Variants in MAN1A1 observed in about 807,000 individuals in gnomAD.
MAN1A1 encodes the protein mannosyl-oligosaccharide 1,2-alpha-mannosidase IA.
MAN1A1 carries 29 observed loss-of-function variants against 70.8 expected under a neutral mutation model. That is an observed-to-expected ratio of 0.41 (90% CI 0.31 to 0.56). The LOEUF (loss-of-function observed/expected upper bound fraction) is 0.56, where lower values mean the gene tolerates loss of function less well. Ranked by LOEUF, MAN1A1 falls within the 20% of genes least tolerant of loss-of-function variation. MAN1A1 has a pLI of 0.29. For missense variants in MAN1A1, 747 were observed against 841.3 expected (o/e 0.89, Z 1.39); for synonymous variants, 349 against 330.1 (o/e 1.06, Z -0.62).
chr6:119,276,523 AG>A (rs1346897762), intron 5 of MAN1A1, among the ~76,000 whole-genome samples: 2 of 152,202 alleles, frequency 1.3e-5, no homozygotes, highest in African/African-American at 4.8e-5. Context: ...CTAGTCATTC[AG>A]GGCTCAATTC....
chr6:119,254,370 A>C (rs1775406253), intron 5 of MAN1A1, among the ~76,000 whole-genome samples: 1 of 152,200 alleles, frequency 6.6e-6, no homozygotes, highest in South Asian at 2.1e-4. Flanking sequence ...CAGAAAAAAG[A>C]GGGAGAGTAA....
At chr6:119,229,609 CT>C (rs1774620083) in intron 6 of MAN1A1, among the ~76,000 whole-genome samples, 1 of 152,190 alleles carries the variant, frequency 6.6e-6, no homozygotes, top group Admixed American at 6.5e-5. Context: ...ATGGCATCCA[CT>C]TATGTCCTCT....
intron 6 of MAN1A1, among the ~76,000 whole-genome samples, chr6:119,222,055 T>A (rs777269615): frequency 2.0e-5 from 3 of 152,138 alleles, no homozygotes; most frequent in Non-Finnish European, 4.4e-5. Flanking sequence ...CAATACCATA[T>A]GGCAACAAAG....
At chr6:119,286,950 T>C (rs1776390854) in intron 5 of MAN1A1, among the ~76,000 whole-genome samples, 1 of 152,142 alleles carries the variant, frequency 6.6e-6, no homozygotes. Flanking sequence ...CCTATCTCCC[T>C]ACTCTTCTCA....
At chr6:119,267,323 T>C (rs1408491) in intron 5 of MAN1A1, among the ~76,000 whole-genome samples, 63,420 of 142,422 alleles carry the variant, frequency 0.45, 13,745 homozygotes, top group East Asian at 0.67. Flanking sequence ...TTATAGAATA[T>C]TTACATGTAC....
At chr6:119,345,873 C>T (rs1773714855) in intron 2 of MAN1A1, among the ~76,000 whole-genome samples, 1 of 152,190 alleles carries the variant, frequency 6.6e-6, no homozygotes, top group Non-Finnish European at 1.5e-5. Flanking sequence ...CTTTGAGAGG[C>T]CAGGCAGGTC....
intron 6 of MAN1A1, among the ~76,000 whole-genome samples, chr6:119,216,398 A>C (rs1026236376): frequency 6.6e-6 from 1 of 152,124 alleles, no homozygotes; most frequent in South Asian, 2.1e-4. Flanking sequence ...GATGTTCGGG[A>C]GGTAAGAGTT....
intron 6 of MAN1A1, among the ~76,000 whole-genome samples, chr6:119,216,341 G>A (rs148108606): frequency 6.6e-6 from 1 of 152,290 alleles, no homozygotes; most frequent in African/African-American, 2.4e-5. Context: ...TGGTGGCCTG[G>A]TCTGGGTGCT....
intron 2 of MAN1A1, among the ~76,000 whole-genome samples, chr6:119,343,720 T>C (rs1482446863): frequency 6.6e-6 from 1 of 151,948 alleles, no homozygotes; most frequent in South Asian, 2.1e-4. Flanking sequence ...GGCGGGGAGG[T>C]TGTTTTGCCA....
At chr6:119,288,264 C>A (rs1042258410) in intron 5 of MAN1A1, among the ~76,000 whole-genome samples, 1 of 151,858 alleles carries the variant, frequency 6.6e-6, no homozygotes. Context: ...TACTCCTGAG[C>A]CTCAGTGATG....
At position 119,212,513 on chromosome 6, in the gene MAN1A1, G is replaced by A. The variant is rs147098717; in HGVS notation, c.993-7631C>T. ...GAGTGCTTACTCTATGCCCGTTACCGTGCCATCCAAACACCAAACACCCTA... is the reference window on the plus strand; with the variant it reads ...GAGTGCTTACTCTATGCCCGTTACCATGCCATCCAAACACCAAACACCCTA... On this transcript the variant is annotated intron_variant, in intron 6 of 12. Transcript: ENST00000368468. Among the ~76,000 whole-genome samples the A allele has an allele frequency of 2.0e-3, 304 of 152,246 alleles. 1 individual carries two copies. The highest frequency in any genetic ancestry group is 3.4e-3 in the Non-Finnish European group (229 of 68,022).
intron 2 of MAN1A1, among the ~76,000 whole-genome samples, chr6:119,332,585 G>C (rs1391725722): frequency 7.2e-5 from 11 of 152,304 alleles, no homozygotes; most frequent in Non-Finnish European, 4.4e-5. Context: ...GGGAGGCCAA[G>C]GTGGGAGGAT....
At chr6:119,308,527 T>A (rs1772595335) in intron 2 of MAN1A1, among the ~76,000 whole-genome samples, 1 of 152,156 alleles carries the variant, frequency 6.6e-6, no homozygotes, top group Admixed American at 6.5e-5. Context: ...AAATTTGGGA[T>A]AATTCCTTAC....
intron 6 of MAN1A1, among the ~76,000 whole-genome samples, chr6:119,242,089 C>T (rs999544073): frequency 6.6e-6 from 1 of 150,720 alleles, no homozygotes; most frequent in Non-Finnish European, 1.5e-5. Flanking sequence ...AGTCCAAGAA[C>T]TAGGAAACAG....
chr6:119,211,339 C>CTGTA (rs1468824535), intron 6 of MAN1A1, among the ~76,000 whole-genome samples: 1 of 152,236 alleles, frequency 6.6e-6, no homozygotes, highest in African/African-American at 2.4e-5. Flanking sequence ...TGGTCTCTTA[C>CTGTA]TGTAGCCAGT....
chr6:119,239,651 T>C (rs139396651), intron 6 of MAN1A1, among the ~76,000 whole-genome samples: 2 of 152,352 alleles, frequency 1.3e-5, no homozygotes, highest in East Asian at 3.9e-4. Flanking sequence ...TCAAACTATT[T>C]CATAAATTTT....
chr6:119,347,794 C>T (rs1449653186), intron 2 of MAN1A1, among the ~76,000 whole-genome samples: 3 of 152,244 alleles, frequency 2.0e-5, no homozygotes, highest in Non-Finnish European at 4.4e-5. Flanking sequence ...CATGTTTATC[C>T]TGGATTAACT....
At chr6:119,295,248 C>T (rs1772174696) in intron 4 of MAN1A1, among the ~76,000 whole-genome samples, 1 of 152,078 alleles carries the variant, frequency 6.6e-6, no homozygotes, top group Admixed American at 6.6e-5. Flanking sequence ...CTAGACAAGA[C>T]AGCACTTTAA....
intron 9 of MAN1A1, 78 bp from the exon 10 acceptor site, chr6:119,189,961 A>C (rs1334350985): frequency 8.9e-6 from 10 of 1,117,774 alleles, no homozygotes; most frequent in South Asian, 2.9e-5. Flanking sequence ...ACATTAAAAA[A>C]AAAAGAATAG....
Sources: allele counts gnomAD v4.1 joint callset (sites outside exome capture counted in the v4.1 genomes callset), GRCh38; gene constraint gnomAD v4.1.1; transcripts MANE v1.5; gene names NCBI Gene and HGNC (gene_info 2026-07-23, HGNC 2026-07-21).